ING1: variants seen among roughly 807,000 people sequenced by gnomAD.
The protein encoded by ING1 is inhibitor of growth family member 1.
ING1 carries 4 observed loss-of-function variants against 23.1 expected under a neutral mutation model. The observed-to-expected ratio is 0.17, with a 90% CI of 0.09 to 0.40. The LOEUF is 0.40. Among genes scored for constraint, ING1 ranks in the 10% least tolerant of loss-of-function variants. The pLI is 1.00. For missense variants in ING1, 256 were observed against 393.8 expected, an observed-to-expected ratio of 0.65 and a Z score of 2.96; for synonymous variants, 179 against 166.4, an observed-to-expected ratio of 1.08 and a Z score of -0.58.
upstream of ING1, chr13:110,713,063 C>T: frequency 3.4e-6 from 5 of 1,454,720 alleles, no homozygotes; most frequent in Non-Finnish European, 4.5e-6. Flanking sequence ...CCGCCCGTGC[C>T]CGGCCCTCCC....
rs1429944339 is a variant in ING1, at chr13:110,719,195, G to C, written c.137-34G>C. On this transcript the variant is annotated intron_variant, in intron 1 of 1. Transcript: ENST00000333219. The surrounding 1 kb of genome is among the most constrained non-coding windows in gnomAD (Gnocchi z 8.9). ...GCCGTGTGGGTTGTCCCGGTGTCCT[G>C]CTCGCGAGTGACGCCTGTCCTTCTT... 4 of 1,604,856 alleles carry C rather than the reference G, an allele frequency of 2.5e-6. No individual in the cohort carries two copies. Among genetic ancestry groups the C allele is most frequent in the Middle Eastern group, 3.3e-4 (2 of 6,022 alleles).
intron 1 of ING1, among the ~76,000 whole-genome samples, chr13:110,718,887 G>A (rs571291352): frequency 2.6e-5 from 4 of 152,224 alleles, no homozygotes; most frequent in Admixed American, 2.6e-4. Context: ...GTTGGGTCCC[G>A]AGCACTGCAC....
Position 110,720,063 on chromosome 13 carries a change from C to G in ING1, c.*131C>G. On this transcript the variant is annotated 3_prime_UTR_variant, in exon 2 of 2. Transcript: ENST00000333219. ...ATGTTAGTAAAGGAACCATTCCTTTCATAGGGATGGCAGTGATTCTGTTTG... is the reference window on the plus strand; with the variant it reads ...ATGTTAGTAAAGGAACCATTCCTTTGATAGGGATGGCAGTGATTCTGTTTG... The G allele has an allele frequency of 2.9e-6, 2 of 680,646 alleles. No homozygotes were observed. The highest frequency in any genetic ancestry group is 2.4e-6 in the Non-Finnish European group (1 of 420,416). 42.2% of individuals were successfully genotyped at this position (680,646 alleles called of 1,614,324 possible).
rs184277322 is a variant in ING1 at position 110,715,089 on chromosome 13, G to C, written c.136+804G>C. ...TGAGAGGACCTGTGCGTCGTTCTCT[G>C]CAGACCTGGCCGCCCCGGGTGTCAG... is the stretch of plus-strand genomic sequence containing the variant. On this transcript the variant is annotated intron_variant, in intron 1 of 1. Transcript: ENST00000333219. 1.8e-4 allele frequency: 187 copies of C among 1,052,978 alleles called. 4 individuals carry two copies. In the East Asian group the frequency reaches 0.011, roughly 60 times the overall value. The allele number at this position is 1,052,978 out of a possible 1,614,324, so 65.2% of individuals were successfully genotyped here.
At position 110,719,738 on chromosome 13, in the gene ING1, A is replaced by G. The variant is rs2064156634; in HGVS notation, c.646A>G (p.Asn216Asp). 1 of 1,613,856 alleles carries G rather than the reference A, an allele frequency of 6.2e-7. No homozygotes were observed. The highest frequency in any genetic ancestry group is 1.7e-5 in the Admixed American group (1 of 59,958). The change falls in exon 2 of 2, where the codon AAC becomes GAC. Residue 216 changes from asparagine to aspartate, a missense_variant. Asn to Asp is a conservative substitution (Grantham distance 23). This residue lies in a region of ING1 where 25 missense variants were observed against 95.8 expected (regional missense o/e 0.26). Transcript: ENST00000333219. The surrounding 1 kb of genome is among the most constrained non-coding windows in gnomAD (Gnocchi z 8.9). Reference protein sequence around the residue: ...DPNEPTYCLCNQVSYGEMIGC... With the variant: ...DPNEPTYCLCDQVSYGEMIGC... ...CAACGAACCCACGTACTGTCTGTGC[A>G]ACCAGGTCTCCTATGGGGAGATGAT...
chr13:110,713,122 G>C (rs1345567712), upstream of ING1: 6 of 1,429,998 alleles, frequency 4.2e-6, no homozygotes, highest in Non-Finnish European at 5.5e-6. Context: ...TAAGAGTCCG[G>C]GGGGCATTAC....
At chr13:110,715,957 C>T in intron 1 of ING1, 4 of 1,542,418 alleles carry the variant, frequency 2.6e-6, no homozygotes, top group Non-Finnish European at 3.5e-6. Flanking sequence ...GAGACAGTTT[C>T]AGGCCGCATC....
chr13:110,715,183 C>A, intron 1 of ING1: 1 of 1,225,694 alleles, frequency 8.2e-7, no homozygotes, highest in East Asian at 3.4e-5. Flanking sequence ...CGAGGTCAGT[C>A]AAGGCTTTGG....
upstream of ING1, chr13:110,712,976 G>C (rs765558646): frequency 2.6e-6 from 4 of 1,558,152 alleles, no homozygotes. Context: ...GCCGCGGAAT[G>C]GGTAGGTCTC....
Position 110,721,924 on chromosome 13 carries a change from G to A in ING1, c.*1992G>A, listed in dbSNP as rs1342830607. On this transcript the variant is annotated 3_prime_UTR_variant, in exon 2 of 2. Coordinates refer to ENST00000333219, the MANE Select transcript of ING1 (RefSeq NM_198219.3). ...CATGGTAAAATCAGTTTCTTTCCAT[G>A]ATCTGTTTCACAGTCTCTGTGAAGC... 1 of 152,176 alleles carries A rather than the reference G, an allele frequency of 6.6e-6. No individual in the cohort carries two copies. The highest frequency in any genetic ancestry group is 6.5e-5 in the Admixed American group (1 of 15,280). 9.4% of individuals were successfully genotyped at this position (152,176 alleles called of 1,614,324 possible). A position where few individuals can be genotyped will look rare whatever the true frequency, so the allele number is the denominator to read the frequency against.
At position 110,714,054 on chromosome 13, in the gene ING1, A is replaced by T. The variant is rs1304158062; in HGVS notation, c.-96A>T. 1 of 1,253,644 alleles carries T rather than the reference A, an allele frequency of 8.0e-7. No homozygotes were observed. Among genetic ancestry groups the T allele is most frequent in the Non-Finnish European group, 1.0e-6 (1 of 986,508 alleles). 77.7% of individuals were successfully genotyped at this position (1,253,644 alleles called of 1,614,324 possible). On this transcript the variant is annotated 5_prime_UTR_variant, in exon 1 of 2. Transcript: ENST00000333219. The stretch of plus-strand genomic sequence containing the variant: ...CCGGCGGGGGGGCGCCGGGAGAGCG[A>T]GGGCTTTGCATTTTGCAGTGCTATT...
chr13:110,714,681 C>A (rs1457612410), intron 1 of ING1, among the ~76,000 whole-genome samples: 1 of 152,186 alleles, frequency 6.6e-6, no homozygotes, highest in Non-Finnish European at 1.5e-5. Context: ...GACGGGGCTG[C>A]AGGAGGAGGG....
In ING1 at chr13:110,720,082, C is replaced by G. The variant is rs1200150334; in HGVS notation, c.*150C>G. ...TCCTTTCATAGGGATGGCAGTGATT[C>G]TGTTTGCCTTTTGTTTTCATTGGTA... is the stretch of plus-strand genomic sequence containing the variant. On this transcript the variant is annotated 3_prime_UTR_variant, in exon 2 of 2. Coordinates refer to ENST00000333219, the MANE Select transcript of ING1 (RefSeq NM_198219.3). 3.2e-6 allele frequency: 2 copies of G among 621,798 alleles called. No individual in the cohort carries two copies. The highest frequency in any genetic ancestry group is 5.4e-6 in the Non-Finnish European group (2 of 373,068). The allele number at this position is 621,798 out of a possible 1,614,324, so 38.5% of individuals were successfully genotyped here. A position where few individuals can be genotyped will look rare whatever the true frequency, so the allele number is the denominator to read the frequency against.
chr13:110,713,301 A>G (rs979586464), upstream of ING1: 5 of 1,221,560 alleles, frequency 4.1e-6, no homozygotes, highest in South Asian at 2.6e-5. Flanking sequence ...GTTGCTGTGT[A>G]CCATGGTCTC....
Position 110,713,974 on chromosome 13 carries a change from G to T in ING1, c.-176G>T. On this transcript the variant is annotated 5_prime_UTR_variant, in exon 1 of 2. Coordinates refer to ENST00000333219, the MANE Select transcript of ING1 (RefSeq NM_198219.3). ...GCCCTCAGGCGCTGGGGTCCCCGCG[G>T]ACCCGGAGGCGGCGGACGGGCTCGG... The T allele has an allele frequency of 9.3e-7, 1 of 1,079,564 alleles. No individual in the cohort carries two copies. Among genetic ancestry groups the T allele is most frequent in the Non-Finnish European group, 1.1e-6 (1 of 890,870 alleles). The allele number at this position is 1,079,564 out of a possible 1,614,324, so 66.9% of individuals were successfully genotyped here. A position where few individuals can be genotyped will look rare whatever the true frequency, so the allele number is the denominator to read the frequency against.
chr13:110,715,354 A>T, intron 1 of ING1: 2 of 1,482,660 alleles, frequency 1.3e-6, no homozygotes, highest in Non-Finnish European at 1.8e-6. Context: ...TGCGCGTTCT[A>T]TCCGAGACGT....
At chr13:110,718,299 C>G (rs937474379) in intron 1 of ING1, among the ~76,000 whole-genome samples, 4 of 152,152 alleles carry the variant, frequency 2.6e-5, no homozygotes, top group African/African-American at 9.7e-5. Context: ...TTCTGTAGTC[C>G]CAGCTACTCA....
chr13:110,719,442 A>G lies in ING1; in HGVS notation c.350A>G (p.Gln117Arg), dbSNP rs1700361912. 2 of 1,612,752 alleles carry G rather than the reference A, an allele frequency of 1.2e-6. No individual in the cohort carries two copies. Among genetic ancestry groups the G allele is most frequent in the East Asian group, 4.5e-5 (2 of 44,866 alleles). ...DSHVELFEAQQELGDTAGNSG... is the reference protein window; with the variant it reads ...DSHVELFEAQRELGDTAGNSG... ...CACGTGGAGCTGTTCGAGGCGCAGCAGGAGCTGGGCGACACAGCGGGCAAC... is the reference window on the plus strand; with the variant it reads ...CACGTGGAGCTGTTCGAGGCGCAGCGGGAGCTGGGCGACACAGCGGGCAAC... The change falls in exon 2 of 2, where the codon CAG (glutamine) becomes CGG (arginine). Residue 117 changes from glutamine (Q) to arginine (R), a missense_variant. Around this residue, in one of 3 missense-constraint regions of ING1, gnomAD observed 209 missense variants for 273.8 expected, o/e 0.76. Transcript: ENST00000333219. This position sits in a 1 kb window ranked among gnomAD's most constrained non-coding sequence, Gnocchi z 8.9.
At chr13:110,715,196 G>A in intron 1 of ING1, 1 of 1,250,198 alleles carries the variant, frequency 8.0e-7, no homozygotes, top group Non-Finnish European at 1.0e-6. Flanking sequence ...GGCTTTGGGG[G>A]CTCTGTTTTG....
Sources: gnomAD v4.1 joint callset for allele counts (sites outside exome capture counted in the v4.1 genomes callset) on GRCh38, gnomAD v4.1.1 for gene constraint, gnomAD v4.1.1 regional missense constraint, Gnocchi (gnomAD v3.1) non-coding constraint, MANE v1.5 for transcripts, NCBI Gene and HGNC (gene_info 2026-07-23, HGNC 2026-07-21) for gene names.